The following RANBP2 variants were observed in gnomAD, a reference collection of about 807,000 sequenced individuals.
The protein encoded by RANBP2 is RAN binding protein 2.
Under a neutral mutation model 303.6 loss-of-function variants are expected in RANBP2, and 57 were observed. The observed-to-expected ratio is 0.19, with a 90% CI of 0.15 to 0.23. The LOEUF (loss-of-function observed/expected upper bound fraction) is 0.23, where lower values mean the gene tolerates loss of function less well. RANBP2 is among the 10% of genes least tolerant of loss of function. The pLI is 1.00. For synonymous variants in RANBP2, 1,167 were observed against 1,301.5 expected (o/e 0.90, Z 2.23); for missense variants, 3,138 against 3,780.8 (o/e 0.83, Z 4.46).
chr2:108,828,180 A>G, the RANBP2 span, among the ~76,000 whole-genome samples: 67 of 152,212 alleles, frequency 4.4e-4, 1 homozygote, highest in Non-Finnish European at 5.7e-4. Flanking sequence ...GTAGATAAAT[A>G]TTTGGAGGTT....
At chr2:108,794,475 A>T in the RANBP2 span, 1 of 1,400,142 alleles carries the variant, frequency 7.1e-7, no homozygotes, top group Non-Finnish European at 9.8e-7. Context: ...CCTAAAGGTT[A>T]CTCTGAGAAT....
chr2:109,207,290 T>C, the RANBP2 span, among the ~76,000 whole-genome samples: 1 of 149,528 alleles, frequency 6.7e-6, no homozygotes, highest in Non-Finnish European at 1.5e-5. Context: ...GAGTAAGCTG[T>C]GTGTCTGATT....
chr2:109,127,790 A>C, the RANBP2 span: 1 of 152,388 alleles, frequency 6.6e-6, no homozygotes, highest in East Asian at 1.9e-4. Context: ...TTGAGGCTGC[A>C]GTGAGCCGTG....
At chr2:108,779,542 T>C (rs1431067732) in intron 25 of RANBP2, among the ~76,000 whole-genome samples, 1 of 152,190 alleles carries the variant, frequency 6.6e-6, no homozygotes, top group Non-Finnish European at 1.5e-5. Flanking sequence ...TATTGTGTTC[T>C]TTAAGGTACT....
the RANBP2 span, among the ~76,000 whole-genome samples, chr2:108,863,869 G>T: frequency 6.6e-6 from 1 of 152,160 alleles, no homozygotes; most frequent in Non-Finnish European, 1.5e-5. Context: ...CTACTTAATA[G>T]TCAATTAATG....
chr2:109,199,627 T>TCAACCCGAGTGCA, the RANBP2 span, among the ~76,000 whole-genome samples: 2 of 94 alleles, frequency 0.021, no homozygotes, highest in Admixed American at 0.14. Flanking sequence ...TGGAATGGAA[T>TCAACCCGAGTGCA]GGAATGGAAT....
chr2:109,536,337 C>T, the RANBP2 span, among the ~76,000 whole-genome samples: 4 of 152,326 alleles, frequency 2.6e-5, 1 homozygote, highest in African/African-American at 9.6e-5. Context: ...CCACCTCTTG[C>T]ATCACATGAC....
chr2:109,635,789 C>T, the RANBP2 span, among the ~76,000 whole-genome samples: 9 of 152,180 alleles, frequency 5.9e-5, no homozygotes, highest in Non-Finnish European at 2.9e-5. Context: ...TGCACTTTCC[C>T]GGGTCCTAAG....
the RANBP2 span, among the ~76,000 whole-genome samples, chr2:109,057,917 T>A: frequency 0.72 from 109,411 of 152,168 alleles, 42,634 homozygotes; most frequent in Non-Finnish European, 0.89. Context: ...AGGGAGATGA[T>A]AACGATCAGC....
At chr2:109,306,406 C>T in the RANBP2 span, among the ~76,000 whole-genome samples, 47,293 of 152,138 alleles carry the variant, frequency 0.31, 9,066 homozygotes, top group African/African-American at 0.54. Context: ...GGAGGCTTCC[C>T]GGGGCTTCCG....
the RANBP2 span, among the ~76,000 whole-genome samples, chr2:109,114,536 A>C: frequency 6.6e-6 from 1 of 151,756 alleles, no homozygotes; most frequent in Non-Finnish European, 1.5e-5. Flanking sequence ...CTTCTTTATT[A>C]GTCTTGCTAG....
chr2:109,479,509 G>A, the RANBP2 span, among the ~76,000 whole-genome samples: 4 of 152,090 alleles, frequency 2.6e-5, no homozygotes, highest in Non-Finnish European at 4.4e-5. Flanking sequence ...AAGTTCCACC[G>A]TATCTGTTCT....
At chr2:109,711,819 T>C in the RANBP2 span, among the ~76,000 whole-genome samples, 2 of 152,148 alleles carry the variant, frequency 1.3e-5, no homozygotes, top group Non-Finnish European at 2.9e-5. Flanking sequence ...TGCATGGCAC[T>C]TAGCACCTGA....
the RANBP2 span, among the ~76,000 whole-genome samples, chr2:108,858,172 C>T: frequency 2.8e-4 from 43 of 152,078 alleles, no homozygotes; most frequent in Non-Finnish European, 4.4e-4. Context: ...GGTGAAACCC[C>T]GTCTGTACTA....
the RANBP2 span, among the ~76,000 whole-genome samples, chr2:109,225,629 A>T: frequency 6.6e-6 from 1 of 152,242 alleles, no homozygotes; most frequent in East Asian, 1.9e-4. Context: ...AGTCACTTTC[A>T]TGTTTGAATT....
intron 4 of RANBP2, 162 bp downstream of exon 4, chr2:108,731,636 G>A (rs748816593): frequency 1.1e-5 from 15 of 1,326,868 alleles, no homozygotes; most frequent in Non-Finnish European, 1.5e-5. Flanking sequence ...AGCATCTACT[G>A]TCTTATTAGG....
chr2:109,677,125 C>T, the RANBP2 span, among the ~76,000 whole-genome samples: 2 of 152,220 alleles, frequency 1.3e-5, no homozygotes, highest in Middle Eastern at 3.4e-3. Context: ...CTCCTGTCTC[C>T]TCCTGTGGGA....
the RANBP2 span, among the ~76,000 whole-genome samples, chr2:109,033,458 TA>T: frequency 6.6e-6 from 1 of 152,178 alleles, no homozygotes; most frequent in African/African-American, 2.4e-5. Context: ...AAGAAGGCTT[TA>T]ATCAGGTGCT....
At chr2:109,053,038 T>C in the RANBP2 span, among the ~76,000 whole-genome samples, 24,592 of 152,222 alleles carry the variant, frequency 0.16, 3,581 homozygotes, top group East Asian at 0.76. Flanking sequence ...CTGGTCCAAA[T>C]TTACAGACAG....
Sources: allele counts gnomAD v4.1 joint callset (sites outside exome capture counted in the v4.1 genomes callset), GRCh38; gene constraint gnomAD v4.1.1; transcripts MANE v1.5; gene names NCBI Gene and HGNC (gene_info 2026-07-23, HGNC 2026-07-21).